ADH5: variants seen among roughly 807,000 people sequenced by gnomAD.
The protein encoded by ADH5 is alcohol dehydrogenase 5 (class III), chi polypeptide, also known as alcohol dehydrogenase class-3.
Under a neutral mutation model 40.3 loss-of-function variants are expected in ADH5, and 32 were observed. The observed-to-expected ratio is 0.79, with a 90% CI of 0.60 to 1.07. The LOEUF (loss-of-function observed/expected upper bound fraction) is 1.07, where lower values mean the gene tolerates loss of function less well. Among genes scored for constraint, ADH5 ranks in the 50% least tolerant of loss-of-function variants. ADH5 has a pLI of 0.00. For synonymous variants in ADH5, 125 were observed against 154.3 expected (o/e 0.81, Z 1.41); for missense variants, 353 against 460.5 (o/e 0.77, Z 2.14).
Position 99,081,445 on chromosome 4 carries a change from A to G in ADH5, c.264T>C (p.Thr88=), listed in dbSNP as rs751923131. ...ACTGTGGGATGTAAAGTGGGATGAC[A>G]GTGTCACCTGGAAACAAATGCAAAG... ...EGVTKLKAGD[T]VIPLYIPQCG... Residue 88 remains threonine (T), a synonymous_variant, in exon 4 of 9, where the codon ACT becomes ACC. Coordinates refer to ENST00000296412, the MANE Select transcript of ADH5 (RefSeq NM_000671.4). 188 of 1,607,016 alleles carry G rather than the reference A, an allele frequency of 1.2e-4. No homozygotes were observed. The highest frequency in any genetic ancestry group is 1.6e-4 in the Non-Finnish European group (183 of 1,176,024).
chr4:99,072,879 A>G (rs1209152748), intron 7 of ADH5, among the ~76,000 whole-genome samples, 168 bp from the exon 8 acceptor site: 3 of 152,220 alleles, frequency 2.0e-5, no homozygotes, highest in African/African-American at 4.8e-5. Context: ...CTTTCAGTGA[A>G]GAAGTAAATA....
At chr4:99,085,887 T>C (rs1728125548) in intron 1 of ADH5, among the ~76,000 whole-genome samples, 1 of 151,990 alleles carries the variant, frequency 6.6e-6, no homozygotes, top group African/African-American at 2.4e-5. Flanking sequence ...ATACAAAAAT[T>C]AGCTGGGCAT....
intron 6 of ADH5, chr4:99,076,028 C>G (rs4699699): frequency 0.082 from 33,107 of 406,130 alleles, 1,594 homozygotes; most frequent in Non-Finnish European, 0.099. Context: ...ATGCTCTGCA[C>G]AACTGCTTTA....
Position 99,076,844 on chromosome 4 carries a change from C to G in ADH5, c.424G>C (p.Gly142Arg). Residue 142 changes from glycine to arginine, a missense_variant, in exon 5 of 9, where the codon GGA (glycine) becomes CGA (arginine). Gly to Arg is a moderately radical substitution (Grantham distance 125). Transcript: ENST00000296412. ...CKGKTILHYM[G>R]TSTFSEYTVV... ...GTGTATTCAGAAAATGTGCTGGTTC[C>G]CATGTAATGCAAAATTGTCTTTCCT... 6.2e-7 allele frequency: 1 copy of G among 1,613,820 alleles called. No homozygotes were observed. Among genetic ancestry groups the G allele is most frequent in the Non-Finnish European group, 8.5e-7 (1 of 1,179,846 alleles).
intron 3 of ADH5, 182 bp downstream of exon 3, chr4:99,081,793 G>A (rs1728030124): frequency 1.3e-6 from 1 of 758,036 alleles, no homozygotes; most frequent in East Asian, 2.8e-5. Context: ...ACAGTAGTCT[G>A]CAAAATCAGA....
intron 4 of ADH5, among the ~76,000 whole-genome samples, chr4:99,077,638 A>T (rs139302113): frequency 3.3e-5 from 5 of 152,202 alleles, no homozygotes; most frequent in Admixed American, 3.3e-4. Context: ...TGGCTAATTT[A>T]TATCTTTCAG....
chr4:99,079,712 G>T, intron 4 of ADH5: 2 of 230,558 alleles, frequency 8.7e-6, no homozygotes, highest in Non-Finnish European at 8.6e-6. Context: ...TTTCAGTGTT[G>T]TTACCTAGTA....
chr4:99,075,579 G>C (rs1019654171), intron 6 of ADH5: 1 of 152,118 alleles, frequency 6.6e-6, no homozygotes, highest in African/African-American at 2.4e-5. Context: ...GTGTTTATTT[G>C]CTTTCTATTT....
chr4:99,074,837 A>C (rs76530663), intron 7 of ADH5, 77 bp downstream of exon 7: 2 of 1,457,828 alleles, frequency 1.4e-6, no homozygotes, highest in Non-Finnish European at 1.8e-6. Flanking sequence ...TATAAAAAAA[A>C]TTAGGTGGCT....
At chr4:99,081,295 C>T (rs1302142282) in intron 4 of ADH5, 70 bp downstream of exon 4, 17 of 1,026,670 alleles carry the variant, frequency 1.7e-5, no homozygotes, top group Non-Finnish European at 2.2e-5. Flanking sequence ...TCCTCAACCC[C>T]TCGGTCTCTG....
At position 99,081,999 on chromosome 4, in the gene ADH5, C is replaced by A; in HGVS notation, c.232G>T (p.Glu78Ter). ...EGAGIVESVGEGVTKLKAGDT... is the reference protein window; with the variant it reads ...EGAGIVESVG ...CCCGCCTTCAGCTTAGTAACTCCCT[C>A]ACCAACACTTTCCACAATTCCAGCA... The change falls in exon 3 of 9, where the codon GAG becomes TAG. Residue 78 changes from glutamate to a stop codon, truncating the protein, a stop_gained. Transcript: ENST00000296412. LOFTEE classifies it high-confidence loss of function. The A allele has an allele frequency of 1.2e-6, 2 of 1,613,854 alleles. No individual in the cohort carries two copies. The highest frequency in any genetic ancestry group is 1.7e-6 in the Non-Finnish European group (2 of 1,179,786).
intron 4 of ADH5, among the ~76,000 whole-genome samples, chr4:99,077,310 G>C (rs1447327477): frequency 6.6e-6 from 1 of 152,086 alleles, no homozygotes; most frequent in East Asian, 1.9e-4. Flanking sequence ...ACAACTTGGA[G>C]CCAGGATTTC....
intron 1 of ADH5, among the ~76,000 whole-genome samples, chr4:99,087,386 C>T (rs1348791326): frequency 7.8e-5 from 1 of 12,766 alleles, no homozygotes; most frequent in Non-Finnish European, 1.5e-4. Context: ...TCCGTCTGAA[C>T]TGGCGGGGGA....
At chr4:99,075,180 T>C (rs1011936737) in intron 6 of ADH5, 131 bp from the exon 7 acceptor site, 2 of 720,740 alleles carry the variant, frequency 2.8e-6, no homozygotes, top group Admixed American at 2.9e-5. Context: ...TAACATTTAG[T>C]GAGCTCAATG....
At position 99,082,206 on chromosome 4, in the gene ADH5, T is replaced by G. The variant is rs757478538; in HGVS notation, c.115-90A>C. ...AAGAAAAGTCATTTTATTATAATAC[T>G]ATATTTCATTGACTCTAAGACACAT... On this transcript the variant is annotated intron_variant, in intron 2 of 8. Transcript: ENST00000296412. 25 of 1,313,922 alleles carry G rather than the reference T, an allele frequency of 1.9e-5. 1 individual carries two copies. In the South Asian group the frequency reaches 3.8e-4, roughly 20 times the overall value. 81.4% of individuals were successfully genotyped at this position (1,313,922 alleles called of 1,614,324 possible). A position where few individuals can be genotyped will look rare whatever the true frequency, so the allele number is the denominator to read the frequency against.
rs560307792 is a variant in ADH5 at position 99,074,964 on chromosome 4, C to G, written c.911G>C (p.Arg304Pro). 6.2e-7 allele frequency: 1 copy of G among 1,613,148 alleles called. No individual in the cohort carries two copies. The highest frequency in any genetic ancestry group is 2.2e-5 in the East Asian group (1 of 44,830). The change falls in exon 7 of 9, where the codon CGT (arginine) becomes CCT (proline). Residue 304 changes from arginine to proline, a missense_variant. Physicochemically the swap from Arg to Pro is moderately radical, Grantham distance 103. Coordinates refer to ENST00000296412, the MANE Select transcript of ADH5 (RefSeq NM_000671.4). ...VAASGEEIATRPFQLVTGRTW... is the reference protein window; with the variant it reads ...VAASGEEIATPPFQLVTGRTW... The stretch of plus-strand genomic sequence containing the variant: ...GCGACCTGTTACCAGCTGGAATGGA[C>G]GAGTGGCAATTTCTTCACCTGAAGC...
Position 99,076,313 on chromosome 4 carries a change from A to G in ADH5, c.804T>C (p.Cys268=). The G allele has an allele frequency of 6.2e-7, 1 of 1,614,086 alleles. No homozygotes were observed. The highest frequency in any genetic ancestry group is 8.5e-7 in the Non-Finnish European group (1 of 1,179,924). ...TCACCATGACCTTCACATTACCAAT[A>G]CATTCAAAGGAATAGTCCACTCCTC... ...TDGGVDYSFE[C]IGNVKVMRAA... is the part of the protein sequence containing the mutation. The change falls in exon 6 of 9, where the codon TGT becomes TGC. Residue 268 remains cysteine, a synonymous_variant. Coordinates refer to ENST00000296412, the MANE Select transcript of ADH5 (RefSeq NM_000671.4).
rs1365197440 is a variant in ADH5 at position 99,071,018 on chromosome 4, T to C, written c.*1399A>G. On this transcript the variant is annotated 3_prime_UTR_variant, in exon 9 of 9. Transcript: ENST00000296412. The stretch of plus-strand genomic sequence containing the variant: ...TAAAACTTTATTCAACAAAATACCA[T>C]AAAGTAAAAAGAAAAGTCACAAGAT... 3 of 151,974 alleles carry C rather than the reference T, an allele frequency of 2.0e-5. No homozygotes were observed. Among genetic ancestry groups the C allele is most frequent in the Non-Finnish European group, 4.4e-5 (3 of 67,986 alleles). 9.4% of individuals were successfully genotyped at this position (151,974 alleles called of 1,614,324 possible).
At chr4:99,083,428 C>T (rs745564035) in intron 2 of ADH5, among the ~76,000 whole-genome samples, 11 of 151,430 alleles carry the variant, frequency 7.3e-5, no homozygotes, top group Non-Finnish European at 1.3e-4. Flanking sequence ...GGTGAAACTC[C>T]GTCTCTACTA....
Sources: gnomAD v4.1 joint callset for allele counts (sites outside exome capture counted in the v4.1 genomes callset) on GRCh38, gnomAD v4.1.1 for gene constraint, MANE v1.5 for transcripts, NCBI Gene and HGNC (gene_info 2026-07-23, HGNC 2026-07-21) for gene names.